Variants in CCDC91 observed in about 807,000 individuals in gnomAD.
The protein encoded by CCDC91 is coiled-coil domain-containing protein 91.
CCDC91 carries 48 observed loss-of-function variants against 63.2 expected under a neutral mutation model. The observed-to-expected ratio is 0.76, with a 90% CI of 0.60 to 0.97. The LOEUF (loss-of-function observed/expected upper bound fraction) is 0.97. Ranked by LOEUF, CCDC91 falls within the 50% of genes least tolerant of loss-of-function variation. The probability of loss-of-function intolerance (pLI) is 0.00; values close to 1 mark genes in which losing one functional copy is unlikely to be tolerated. For synonymous variants in CCDC91, 167 were observed against 165.8 expected, an observed-to-expected ratio of 1.01 and a Z score of -0.06; for missense variants, 500 against 494.6, an observed-to-expected ratio of 1.01 and a Z score of -0.10.
At chr12:28,481,879 G>C (rs1282598232) in intron 11 of CCDC91, among the ~76,000 whole-genome samples, 5 of 151,864 alleles carry the variant, frequency 3.3e-5, no homozygotes, top group African/African-American at 1.2e-4. Flanking sequence ...TAAACACTCA[G>C]CTCCCTCAAA....
At chr12:28,453,997 A>G (rs1042364681) in intron 11 of CCDC91, among the ~76,000 whole-genome samples, 1 of 152,156 alleles carries the variant, frequency 6.6e-6, no homozygotes, top group African/African-American at 2.4e-5. Context: ...TCTACAAGAA[A>G]CATGCAGTAT....
intron 6 of CCDC91, among the ~76,000 whole-genome samples, chr12:28,357,897 T>C (rs10771422): frequency 0.91 from 138,827 of 152,188 alleles, 64,550 homozygotes; most frequent in East Asian, 1. Flanking sequence ...AGAAAGTTAT[T>C]ATTGTGGTCA....
At chr12:28,514,644 C>T (rs2141326548) in intron 12 of CCDC91, among the ~76,000 whole-genome samples, 1 of 151,948 alleles carries the variant, frequency 6.6e-6, no homozygotes, top group Non-Finnish European at 1.5e-5. Flanking sequence ...GTCTTTAATG[C>T]ATCTTGAGTT....
intron 3 of CCDC91, among the ~76,000 whole-genome samples, chr12:28,287,673 A>G (rs1948997594): frequency 6.6e-6 from 1 of 152,086 alleles, no homozygotes; most frequent in South Asian, 2.1e-4. Flanking sequence ...TTCTTTGCTT[A>G]GGATTGCTTT....
At chr12:28,548,142 T>TTAC (rs1419327878) in intron 12 of CCDC91, among the ~76,000 whole-genome samples, 2 of 152,136 alleles carry the variant, frequency 1.3e-5, no homozygotes. Context: ...ATGATTTCCC[T>TTAC]TACTAACCCT....
intron 3 of CCDC91, among the ~76,000 whole-genome samples, chr12:28,285,802 G>T (rs1948880411): frequency 6.6e-6 from 1 of 151,552 alleles, no homozygotes; most frequent in African/African-American, 2.4e-5. Context: ...TTTCTGGCTT[G>T]GGAATAGCTA....
chr12:28,316,910 G>A lies in CCDC91; in HGVS notation c.576+9161G>A, dbSNP rs1296078184. ...TTCCCAGCAATTTGTCCTCAGTGTC[G>A]GGCTTTATCTGGAAAGTATTTAGAG... On this transcript the variant is annotated intron_variant, in intron 6 of 12. Coordinates refer to ENST00000536442, the MANE Select transcript of CCDC91 (RefSeq NM_018318.5). Among the ~76,000 whole-genome samples, 7 of 151,754 alleles carry A rather than the reference G, an allele frequency of 4.6e-5. No individual in the cohort carries two copies. The South Asian group carries it at 1.2e-3, about 27-fold the overall frequency.
intron 3 of CCDC91, among the ~76,000 whole-genome samples, chr12:28,297,391 A>G (rs1280751269): frequency 6.6e-6 from 1 of 151,890 alleles, no homozygotes; most frequent in East Asian, 1.9e-4. Context: ...GAGATCTGTC[A>G]ATGAAAAATG....
At chr12:28,478,349 C>T (rs1951237041) in intron 11 of CCDC91, among the ~76,000 whole-genome samples, 1 of 152,068 alleles carries the variant, frequency 6.6e-6, no homozygotes, top group East Asian at 1.9e-4. Flanking sequence ...CTGACAAAGA[C>T]AAGAAATGGG....
At chr12:28,474,131 T>TA (rs1950962103) in intron 11 of CCDC91, among the ~76,000 whole-genome samples, 1 of 152,164 alleles carries the variant, frequency 6.6e-6, no homozygotes, top group Non-Finnish European at 1.5e-5. Flanking sequence ...TTAGCACAGT[T>TA]ACAGTCTCAT....
intron 7 of CCDC91, among the ~76,000 whole-genome samples, chr12:28,367,864 C>T (rs1207232650): frequency 1.3e-5 from 2 of 152,000 alleles, no homozygotes; most frequent in Non-Finnish European, 2.9e-5. Context: ...TGTAGGTGGG[C>T]AACATCCAAT....
At chr12:28,236,962 T>G (rs1228456061) in intron 1 of CCDC91, 2 of 152,086 alleles carry the variant, frequency 1.3e-5, no homozygotes, top group Non-Finnish European at 2.9e-5. Flanking sequence ...ATGTCCCCCT[T>G]TAATCTGTTT....
At chr12:28,231,967 C>T (rs367984881) in intron 1 of CCDC91, among the ~76,000 whole-genome samples, 12 of 152,160 alleles carry the variant, frequency 7.9e-5, no homozygotes, top group East Asian at 5.8e-4. Context: ...TATTTTCTGT[C>T]GCTTCATAAT....
intron 11 of CCDC91, among the ~76,000 whole-genome samples, chr12:28,476,395 C>G (rs891847885): frequency 1.3e-5 from 2 of 151,920 alleles, no homozygotes; most frequent in Admixed American, 6.6e-5. Context: ...AATGAAGGCA[C>G]AAATAAAGAT....
chr12:28,245,443 A>G (rs941599986), intron 1 of CCDC91, among the ~76,000 whole-genome samples: 5 of 152,150 alleles, frequency 3.3e-5, no homozygotes, highest in African/African-American at 1.2e-4. Context: ...CCTTTTATAG[A>G]TGGCAAAGGA....
chr12:28,415,353 A>T (rs988008768), intron 8 of CCDC91, among the ~76,000 whole-genome samples: 1 of 151,830 alleles, frequency 6.6e-6, no homozygotes, highest in African/African-American at 2.4e-5. Context: ...CCTCCCGAGT[A>T]GCTGGGATTA....
intron 3 of CCDC91, among the ~76,000 whole-genome samples, chr12:28,280,873 A>T (rs1214870432): frequency 6.6e-6 from 1 of 151,494 alleles, no homozygotes; most frequent in Non-Finnish European, 1.5e-5. Context: ...GCTACTTTTA[A>T]GTCTGAGGTG....
chr12:28,192,879 T>C (rs1941384777), intron 1 of CCDC91, among the ~76,000 whole-genome samples: 1 of 145,316 alleles, frequency 6.9e-6, no homozygotes, highest in African/African-American at 2.5e-5. Context: ...AGACAAATAA[T>C]ATTCCCATCA....
chr12:28,431,507 A>G (rs2140088572), intron 8 of CCDC91, among the ~76,000 whole-genome samples: 1 of 152,196 alleles, frequency 6.6e-6, no homozygotes, highest in South Asian at 2.1e-4. Flanking sequence ...TAACTATTTC[A>G]GTTTTATATT....
Sources: gnomAD v4.1 joint callset for allele counts (sites outside exome capture counted in the v4.1 genomes callset) on GRCh38, gnomAD v4.1.1 for gene constraint, MANE v1.5 for transcripts, NCBI Gene and HGNC (gene_info 2026-07-23, HGNC 2026-07-21) for gene names.